The following LRBA variants were observed in gnomAD, a reference collection of about 807,000 sequenced individuals.
LRBA encodes lipopolysaccharide-responsive and beige-like anchor protein.
Under a neutral mutation model 330.0 loss-of-function variants are expected in LRBA, and 176 were observed. The ratio of observed to expected loss-of-function variants is 0.53; its 90% CI spans 0.47 to 0.60. LRBA has a LOEUF of 0.60. Ranked by LOEUF, LRBA falls within the 20% of genes least tolerant of loss-of-function variation. The probability of loss-of-function intolerance (pLI) is 0.00; values close to 1 mark genes in which losing one functional copy is unlikely to be tolerated. For missense variants in LRBA, 3,259 were observed against 3,444.8 expected, an observed-to-expected ratio of 0.95 and a Z score of 1.35; for synonymous variants, 1,230 against 1,193.0, an observed-to-expected ratio of 1.03 and a Z score of -0.64.
At chr4:150,799,676 C>T (rs1231844123) in intron 33 of LRBA, among the ~76,000 whole-genome samples, 1 of 152,132 alleles carries the variant, frequency 6.6e-6, no homozygotes, top group Non-Finnish European at 1.5e-5. Context: ...CTTAAGCTAT[C>T]CAAAATTAGG....
intron 34 of LRBA, among the ~76,000 whole-genome samples, chr4:150,773,202 G>A (rs771824822): frequency 3.3e-5 from 5 of 152,130 alleles, no homozygotes; most frequent in Admixed American, 6.6e-5. Flanking sequence ...TGTAATGGAC[G>A]ACTGTGATTT....
intron 36 of LRBA, among the ~76,000 whole-genome samples, chr4:150,690,960 C>T (rs62346267): frequency 7.0e-6 from 1 of 142,222 alleles, no homozygotes; most frequent in Non-Finnish European, 1.5e-5. Flanking sequence ...GACAGAGTCT[C>T]GCTCTGTCGC....
chr4:150,850,436 G>A (rs1750479708), intron 24 of LRBA, among the ~76,000 whole-genome samples: 1 of 152,012 alleles, frequency 6.6e-6, no homozygotes, highest in Non-Finnish European at 1.5e-5. Flanking sequence ...AAACCAACTT[G>A]ATAAACCTAC....
chr4:150,828,091 G>A (rs564898216), intron 30 of LRBA, 89 bp downstream of exon 30: 69 of 1,174,980 alleles, frequency 5.9e-5, no homozygotes, highest in East Asian at 3.1e-4. Flanking sequence ...GTGGATTTTC[G>A]GCTACACAGG....
intron 35 of LRBA, among the ~76,000 whole-genome samples, chr4:150,741,167 A>C (rs1731919895): frequency 6.6e-6 from 1 of 152,150 alleles, no homozygotes; most frequent in Non-Finnish European, 1.5e-5. Flanking sequence ...TGACAAAATG[A>C]ACTACATCAA....
chr4:150,293,401 T>C (rs1728571782), intron 53 of LRBA, among the ~76,000 whole-genome samples: 1 of 152,228 alleles, frequency 6.6e-6, no homozygotes, highest in African/African-American at 2.4e-5. Context: ...CTACTTGAAA[T>C]TTGTCCTATA....
chr4:150,559,675 T>A (rs1200042558), intron 40 of LRBA, among the ~76,000 whole-genome samples: 2 of 84,064 alleles, frequency 2.4e-5, no homozygotes, highest in Non-Finnish European at 4.3e-5. Flanking sequence ...ATATATATTA[T>A]ATAATATATT....
chr4:150,901,479 C>T (rs1473489349), intron 13 of LRBA, among the ~76,000 whole-genome samples: 1 of 152,066 alleles, frequency 6.6e-6, no homozygotes, highest in Admixed American at 6.5e-5. Flanking sequence ...TATATTCTTC[C>T]CTTGACCATA....
At chr4:150,266,152 A>G (rs1745299600) in intron 56 of LRBA, among the ~76,000 whole-genome samples, 1 of 152,140 alleles carries the variant, frequency 6.6e-6, no homozygotes, top group Admixed American at 6.5e-5. Flanking sequence ...GGCTGGCAAG[A>G]CCCATCCATT....
At chr4:150,270,664 A>G (rs1327082921) in intron 56 of LRBA, among the ~76,000 whole-genome samples, 1 of 152,196 alleles carries the variant, frequency 6.6e-6, no homozygotes, top group Admixed American at 6.5e-5. Context: ...TTTAGATGGA[A>G]AATATTATAT....
At chr4:150,456,576 T>C (rs951778783) in intron 44 of LRBA, among the ~76,000 whole-genome samples, 1 of 152,154 alleles carries the variant, frequency 6.6e-6, no homozygotes, top group South Asian at 2.1e-4. Flanking sequence ...TGGTTATTAA[T>C]CCCTTATCAT....
At chr4:150,717,934 C>A (rs761937323) in intron 36 of LRBA, among the ~76,000 whole-genome samples, 1 of 151,870 alleles carries the variant, frequency 6.6e-6, no homozygotes, top group Non-Finnish European at 1.5e-5. Context: ...AAGTGATAAT[C>A]ATCAGTACAT....
chr4:150,707,403 G>T (rs1308754908), intron 36 of LRBA, among the ~76,000 whole-genome samples: 1 of 151,328 alleles, frequency 6.6e-6, no homozygotes, highest in Admixed American at 6.6e-5. Flanking sequence ...AAAAGCAAAA[G>T]AAATTGGATG....
chr4:150,576,156 C>A (rs1325511413), intron 40 of LRBA, among the ~76,000 whole-genome samples: 4 of 68,732 alleles, frequency 5.8e-5, no homozygotes, highest in African/African-American at 8.5e-5. Context: ...TAAGTTCAAA[C>A]TGGTTTTTAA....
chr4:150,530,292 G>T (rs1763923235), intron 40 of LRBA, among the ~76,000 whole-genome samples: 1 of 152,206 alleles, frequency 6.6e-6, no homozygotes, highest in African/African-American at 2.4e-5. Flanking sequence ...TCTAGGAAAA[G>T]AATCATCAAG....
chr4:150,408,486 C>T (rs926086522), intron 47 of LRBA, among the ~76,000 whole-genome samples: 3 of 152,192 alleles, frequency 2.0e-5, no homozygotes, highest in Non-Finnish European at 4.4e-5. Flanking sequence ...ATGTAGCATT[C>T]ACAAAGTCCT....
chr4:150,315,488 A>C, intron 51 of LRBA, 73 bp downstream of exon 51: 2 of 1,271,086 alleles, frequency 1.6e-6, no homozygotes, highest in Non-Finnish European at 2.3e-6. Context: ...CAAGTGAAAA[A>C]CAACTGTAAT....
intron 44 of LRBA, among the ~76,000 whole-genome samples, chr4:150,447,914 T>C (rs1475687330): frequency 2.6e-5 from 4 of 152,194 alleles, no homozygotes; most frequent in Admixed American, 1.3e-4. Flanking sequence ...TTGACATTAC[T>C]TAAGAAGCTC....
chr4:150,711,698 A>C (rs1786237938), intron 36 of LRBA, among the ~76,000 whole-genome samples: 1 of 152,316 alleles, frequency 6.6e-6, no homozygotes, highest in South Asian at 2.1e-4. Context: ...CTATTAAAAA[A>C]CCCATCAATA....
Sources: gnomAD v4.1 joint callset for allele counts (sites outside exome capture counted in the v4.1 genomes callset) on GRCh38, gnomAD v4.1.1 for gene constraint, MANE v1.5 for transcripts, NCBI Gene and HGNC (gene_info 2026-07-23, HGNC 2026-07-21) for gene names.